The following NHSL2 variants were observed in gnomAD, a reference collection of about 807,000 sequenced individuals.
The protein encoded by NHSL2 is NHS-like protein 2.
NHSL2 carries 27 observed loss-of-function variants against 53.4 expected under a neutral mutation model. The ratio of observed to expected loss-of-function variants is 0.51; its 90% CI spans 0.37 to 0.70. The LOEUF (loss-of-function observed/expected upper bound fraction) is 0.70. Among genes scored for constraint, NHSL2 ranks in the 30% least tolerant of loss-of-function variants. The probability of loss-of-function intolerance (pLI) is 0.00; values close to 1 mark genes in which losing one functional copy is unlikely to be tolerated. For synonymous variants in NHSL2, 408 were observed against 404.1 expected, an observed-to-expected ratio of 1.01 and a Z score of -0.12; for missense variants, 892 against 980.1, an observed-to-expected ratio of 0.91 and a Z score of 1.20.
At chrX:72,131,999 A>T in intron 1 of NHSL2, 80 bp from the exon 2 acceptor site, 1 of 1,035,895 alleles carries the variant, frequency 9.7e-7, no homozygotes, top group Non-Finnish European at 1.3e-6. Flanking sequence ...GGCCTTGGGG[A>T]ACCGCGGGCG....
chrX:72,108,123 T>C (rs759748584), intron 1 of NHSL2, among the ~76,000 whole-genome samples: 9 of 110,733 alleles, frequency 8.1e-5, no homozygotes, highest in Non-Finnish European at 1.7e-4. Context: ...TGAGAGGGAG[T>C]TAGGAGGTCA....
chrX:72,069,165 AG>A (rs2042450060), intron 1 of NHSL2, among the ~76,000 whole-genome samples: 1 of 111,973 alleles, frequency 8.9e-6, no homozygotes, highest in East Asian at 2.8e-4. Flanking sequence ...AGACAGAGTG[AG>A]CGAGTGAGCG....
intron 1 of NHSL2, among the ~76,000 whole-genome samples, chrX:71,964,735 A>G (rs1297167454): frequency 8.9e-6 from 1 of 112,141 alleles, no homozygotes; most frequent in Non-Finnish European, 1.9e-5. Context: ...TCCAATGAAT[A>G]TATTATTCTC....
At chrX:71,978,712 T>G (rs1470865725) in intron 1 of NHSL2, among the ~76,000 whole-genome samples, 1 of 104,979 alleles carries the variant, frequency 9.5e-6, no homozygotes, top group East Asian at 2.9e-4. Context: ...AGATGAAATC[T>G]CCTATATCTG....
At chrX:72,020,253 T>A (rs937251385) in intron 1 of NHSL2, among the ~76,000 whole-genome samples, 1 of 112,104 alleles carries the variant, frequency 8.9e-6, no homozygotes, top group Non-Finnish European at 1.9e-5. Flanking sequence ...CACACACACA[T>A]ACTTCAGCTC....
At chrX:72,067,910 G>A (rs1355817351) in intron 1 of NHSL2, among the ~76,000 whole-genome samples, 3 of 112,152 alleles carry the variant, frequency 2.7e-5, no homozygotes, top group Non-Finnish European at 1.9e-5. Context: ...CTTGAAAGCT[G>A]GAGACTCAAC....
chrX:72,139,327 C>G lies in NHSL2; in HGVS notation c.1779C>G (p.Pro593=), dbSNP rs368362491. The change falls in exon 6 of 8, where the codon CCC becomes CCG. Residue 593 remains proline (P), a synonymous_variant. Transcript: ENST00000633930. The part of the protein sequence containing the change: ...GLLPEGGSAL[P]KDQRPKSLCL... ...TGCCTGAAGGTGGGTCAGCACTACC[C>G]AAGGACCAGAGGCCCAAGAGCCTTT... is the stretch of plus-strand genomic sequence containing the variant. The G allele has an allele frequency of 5.5e-5, 66 of 1,210,057 alleles. No individual in the cohort carries two copies. The highest frequency in any genetic ancestry group is 7.3e-5 in the Non-Finnish European group (65 of 894,376).
chrX:72,126,954 C>A (rs1449040838), intron 1 of NHSL2, among the ~76,000 whole-genome samples: 1 of 111,934 alleles, frequency 8.9e-6, no homozygotes, highest in African/African-American at 3.3e-5. Context: ...ATGCACAGAA[C>A]TGTAGACAGG....
intron 1 of NHSL2, among the ~76,000 whole-genome samples, chrX:72,118,466 C>T (rs1263515402): frequency 1.8e-5 from 2 of 111,904 alleles, no homozygotes; most frequent in Non-Finnish European, 3.8e-5. Context: ...GTCTCTGTCA[C>T]CCAGGCTGGA....
At chrX:71,982,592 T>C (rs1317230956) in intron 1 of NHSL2, among the ~76,000 whole-genome samples, 2 of 111,655 alleles carry the variant, frequency 1.8e-5, no homozygotes, top group Non-Finnish European at 1.9e-5. Flanking sequence ...GAAGGTGAAG[T>C]TGATCACCAA....
chrX:71,926,170 T>C (rs916192110), intron 1 of NHSL2, among the ~76,000 whole-genome samples: 1 of 112,424 alleles, frequency 8.9e-6, no homozygotes, highest in Non-Finnish European at 1.9e-5. Flanking sequence ...TTACATTTGT[T>C]ATCTCATGTG....
Position 72,139,170 on chromosome X carries a change from C to T in NHSL2, c.1622C>T (p.Ala541Val), listed in dbSNP as rs1470538213. 4 of 1,172,904 alleles carry T rather than the reference C, an allele frequency of 3.4e-6. No individual in the cohort carries two copies. The highest frequency in any genetic ancestry group is 4.6e-6 in the Non-Finnish European group (4 of 875,990). ...GGCAGTAACAGTGCTGACAACATTGCCTCCCTTAGTGCCCAGCAAGAGGCC... is the reference window on the plus strand; with the variant it reads ...GGCAGTAACAGTGCTGACAACATTGTCTCCCTTAGTGCCCAGCAAGAGGCC... ...SEGSNSADNI[A>V]SLSAQQEAQH... The change falls in exon 6 of 8, where the codon GCC becomes GTC. Residue 541 changes from alanine to valine, a missense_variant. Coordinates refer to ENST00000633930, the MANE Select transcript of NHSL2 (RefSeq NM_001013627.3).
chrX:72,116,202 G>A (rs974547549), intron 1 of NHSL2, among the ~76,000 whole-genome samples: 1 of 111,938 alleles, frequency 8.9e-6, no homozygotes, highest in Non-Finnish European at 1.9e-5. Context: ...CAAGTGCCTA[G>A]AGCAATGCCT....
At chrX:72,062,524 G>A (rs997720406) in intron 1 of NHSL2, among the ~76,000 whole-genome samples, 1 of 112,018 alleles carries the variant, frequency 8.9e-6, no homozygotes, top group Non-Finnish European at 1.9e-5. Context: ...AGGTTTCCCA[G>A]ATTGGAGGTT....
intron 1 of NHSL2, among the ~76,000 whole-genome samples, chrX:72,082,028 C>T (rs187547428): frequency 8.9e-6 from 1 of 112,209 alleles, no homozygotes; most frequent in Admixed American, 9.4e-5. Flanking sequence ...AGAGCATCCA[C>T]CTTCCCCTGT....
Position 71,911,383 on chromosome X carries a change from C to T in NHSL2, c.280+16C>T, listed in dbSNP as rs2041601267. 6.7e-6 allele frequency: 7 copies of T among 1,043,109 alleles called. No individual in the cohort carries two copies. The highest frequency in any genetic ancestry group is 8.6e-6 in the Non-Finnish European group (7 of 812,785). 86.0% of individuals were successfully genotyped at this position (1,043,109 alleles called of 1,213,427 possible). A position where few individuals can be genotyped will look rare whatever the true frequency, so the allele number is the denominator to read the frequency against. ...GAAGAGCTAGGTAAAAACGGCGCCC[C>T]GGTGGCTCGCGGCCCCGCGTCTACC... is the stretch of plus-strand genomic sequence containing the variant. On this transcript the variant is annotated intron_variant, in intron 1 of 7. Transcript: ENST00000633930.
intron 1 of NHSL2, among the ~76,000 whole-genome samples, chrX:71,913,310 A>G (rs988097750): frequency 5.4e-5 from 6 of 111,702 alleles, no homozygotes; most frequent in Non-Finnish European, 9.4e-5. Context: ...ATTGGGTAGC[A>G]CTGAAATTAG....
chrX:71,994,932 G>A (rs1361297423), intron 1 of NHSL2, among the ~76,000 whole-genome samples: 1 of 111,484 alleles, frequency 9.0e-6, no homozygotes, highest in African/African-American at 3.3e-5. Flanking sequence ...TTTGGCAGGG[G>A]TGGCTTTCAT....
intron 1 of NHSL2, among the ~76,000 whole-genome samples, chrX:72,028,647 G>A (rs2042198686): frequency 8.9e-6 from 1 of 111,885 alleles, no homozygotes; most frequent in Non-Finnish European, 1.9e-5. Context: ...GTCATGATAG[G>A]TGCTGACATT....
Sources: gnomAD v4.1 joint callset for allele counts (sites outside exome capture counted in the v4.1 genomes callset) on GRCh38, gnomAD v4.1.1 for gene constraint, MANE v1.5 for transcripts, NCBI Gene and HGNC (gene_info 2026-07-23, HGNC 2026-07-21) for gene names.